Variants in RAD51B observed in about 807,000 individuals in gnomAD.
The protein encoded by RAD51B is DNA repair protein RAD51 homolog 2.
A neutral mutation model predicts 42.2 loss-of-function variants in RAD51B; 38 were observed. That is an observed-to-expected ratio of 0.90 (90% CI 0.70 to 1.18). RAD51B has a LOEUF of 1.18. RAD51B is among the 50% of genes most tolerant of loss of function. The pLI, the probability that RAD51B is intolerant of heterozygous loss-of-function variation, is 0.00. For synonymous variants in RAD51B, 154 were observed against 145.2 expected (o/e 1.06, Z -0.43); for missense variants, 373 against 400.7 (o/e 0.93, Z 0.59).
At chr14:67,995,631 T>C (rs2075369208) in intron 7 of RAD51B, among the ~76,000 whole-genome samples, 1 of 151,742 alleles carries the variant, frequency 6.6e-6, no homozygotes, top group African/African-American at 2.4e-5. Flanking sequence ...TTTTTTCTTT[T>C]GAGACGGAGT....
chr14:68,490,771 G>A (rs1327765771), intron 10 of RAD51B, among the ~76,000 whole-genome samples: 1 of 152,116 alleles, frequency 6.6e-6, no homozygotes, highest in African/African-American at 2.4e-5. Flanking sequence ...AGAGGGGAAG[G>A]GTGGAGAGCT....
intron 7 of RAD51B, among the ~76,000 whole-genome samples, chr14:68,015,069 C>T (rs528660515): frequency 6.6e-6 from 1 of 152,250 alleles, no homozygotes; most frequent in Admixed American, 6.5e-5. Context: ...GGTCCAGTTA[C>T]TTAAAACACT....
In RAD51B at chr14:68,587,169, T is replaced by C. The variant is rs1392609939; in HGVS notation, c.1037-7316T>C. On this transcript the variant is annotated intron_variant, in intron 10 of 10. Coordinates refer to the RAD51B transcript ENST00000487270. ...AGTGTCTTCAAAGAAGGAACCCCTC[T>C]GTCCACACAAAAGAGGGGGAGAGTG... 3.3e-5 allele frequency among the ~76,000 whole-genome samples: 5 copies of C among 152,190 alleles called. No homozygotes were observed. In the East Asian group the frequency reaches 7.7e-4, roughly 23 times the overall value.
chr14:68,116,780 C>G (rs1356503282), intron 7 of RAD51B, among the ~76,000 whole-genome samples: 1 of 152,084 alleles, frequency 6.6e-6, no homozygotes, highest in Non-Finnish European at 1.5e-5. Flanking sequence ...TTGAATTGGA[C>G]TTTGCTTATT....
intron 7 of RAD51B, among the ~76,000 whole-genome samples, chr14:68,218,544 T>G (rs2079860667): frequency 6.6e-6 from 1 of 152,232 alleles, no homozygotes; most frequent in South Asian, 2.1e-4. Context: ...ATTACCTGAA[T>G]GTAAGTGCTA....
intron 7 of RAD51B, among the ~76,000 whole-genome samples, chr14:68,270,941 C>T (rs2081093085): frequency 6.6e-6 from 1 of 152,142 alleles, no homozygotes; most frequent in Non-Finnish European, 1.5e-5. Flanking sequence ...TTTCTCTTTA[C>T]AGATTTCTGT....
At chr14:68,168,639 G>A (rs1033007883) in intron 7 of RAD51B, among the ~76,000 whole-genome samples, 1 of 152,260 alleles carries the variant, frequency 6.6e-6, no homozygotes, top group Admixed American at 6.5e-5. Flanking sequence ...CACTCAGCCA[G>A]CCTTTTCAAA....
intron 7 of RAD51B, among the ~76,000 whole-genome samples, chr14:68,224,465 T>C (rs1054192785): frequency 2.0e-5 from 3 of 152,156 alleles, no homozygotes; most frequent in African/African-American, 7.2e-5. Flanking sequence ...GTCAAAATTT[T>C]ACTTATTTCT....
chr14:68,486,294 G>A (rs1266085158), intron 10 of RAD51B, among the ~76,000 whole-genome samples: 2 of 152,076 alleles, frequency 1.3e-5, no homozygotes. Context: ...GCTACTGTGG[G>A]GTTCTAGTCA....
chr14:68,305,468 G>A (rs2081840144), intron 8 of RAD51B, among the ~76,000 whole-genome samples: 2 of 152,164 alleles, frequency 1.3e-5, no homozygotes, highest in African/African-American at 2.4e-5. Flanking sequence ...TATATGTATT[G>A]CACTACAGTG....
chr14:67,986,034 GTTTAA>G (rs1032316874), intron 7 of RAD51B, among the ~76,000 whole-genome samples: 5 of 151,376 alleles, frequency 3.3e-5, no homozygotes, highest in African/African-American at 9.7e-5. Flanking sequence ...TGTGTGTGTA[GTTTAA>G]TTCTGTGTGT....
At chr14:68,652,284 G>T (rs753485670) in intron 11 of RAD51B, among the ~76,000 whole-genome samples, 4 of 152,172 alleles carry the variant, frequency 2.6e-5, no homozygotes, top group Non-Finnish European at 5.9e-5. Flanking sequence ...CTTTCCAGCC[G>T]CCTCTTGCTC....
intron 7 of RAD51B, among the ~76,000 whole-genome samples, chr14:68,099,574 A>C (rs945279993): frequency 6.6e-6 from 1 of 152,150 alleles, no homozygotes; most frequent in African/African-American, 2.4e-5. Flanking sequence ...TAAGTTGTAA[A>C]ATTTTATGTT....
chr14:68,240,245 C>T (rs1000901353), intron 7 of RAD51B, among the ~76,000 whole-genome samples: 1 of 152,128 alleles, frequency 6.6e-6, no homozygotes, highest in African/African-American at 2.4e-5. Context: ...GTAATAAGTG[C>T]GATGACTTAG....
rs549137320 is a variant in RAD51B, at chr14:68,340,659, G to A, written c.853+48679G>A. ...TTTTTTATAACTCCTGTGCACATGC[G>A]TGCATATTACTATTTTTGTATGCCT... On this transcript the variant is annotated intron_variant, in intron 8 of 10. Coordinates refer to ENST00000471583, the MANE Select transcript of RAD51B (RefSeq NM_133510.4). Among the ~76,000 whole-genome samples, 14 of 152,242 alleles carry A rather than the reference G, an allele frequency of 9.2e-5. No individual in the cohort carries two copies. The South Asian group carries it at 1.2e-3, about 14-fold the overall frequency.
At chr14:68,298,819 G>A (rs2081662352) in intron 8 of RAD51B, among the ~76,000 whole-genome samples, 1 of 152,124 alleles carries the variant, frequency 6.6e-6, no homozygotes, top group Non-Finnish European at 1.5e-5. Context: ...AGGGCGAGAG[G>A]CCTCTAGGTC....
chr14:68,289,922 T>G (rs1566787570), intron 7 of RAD51B, among the ~76,000 whole-genome samples: 1 of 152,188 alleles, frequency 6.6e-6, no homozygotes. Context: ...AATATCTGAT[T>G]ATTGCTGCAG....
intron 8 of RAD51B, among the ~76,000 whole-genome samples, chr14:68,329,851 G>A (rs983416968): frequency 2.0e-5 from 3 of 151,940 alleles, no homozygotes; most frequent in Non-Finnish European, 4.4e-5. Flanking sequence ...GCATGGCGCT[G>A]CACACCTGTA....
At chr14:68,267,309 A>G (rs2081012331) in intron 7 of RAD51B, among the ~76,000 whole-genome samples, 1 of 152,180 alleles carries the variant, frequency 6.6e-6, no homozygotes, top group African/African-American at 2.4e-5. Flanking sequence ...TTAAAAACAT[A>G]CCTCAATTTG....
Sources: allele counts gnomAD v4.1 joint callset (sites outside exome capture counted in the v4.1 genomes callset), GRCh38; gene constraint gnomAD v4.1.1; transcripts MANE v1.5; gene names NCBI Gene and HGNC (gene_info 2026-07-23, HGNC 2026-07-21).